The following SDK1 variants were observed in gnomAD, a reference collection of about 807,000 sequenced individuals.
The protein encoded by SDK1 is sidekick cell adhesion molecule 1.
A neutral mutation model predicts 245.5 loss-of-function variants in SDK1; 157 were observed. The observed-to-expected ratio is 0.64, with a 90% CI of 0.56 to 0.73. The LOEUF (loss-of-function observed/expected upper bound fraction) is 0.73. SDK1 is among the 30% of genes least tolerant of loss of function. The pLI, the probability that SDK1 is intolerant of heterozygous loss-of-function variation, is 0.00. For missense variants in SDK1, 3,583 were observed against 3,002.3 expected (o/e 1.19, Z -4.52); for synonymous variants, 1,647 against 1,278.5 (o/e 1.29, Z -6.15).
At position 3,773,004 on chromosome 7, in the gene SDK1, A is replaced by G. The variant is rs988708538; in HGVS notation, c.714-48446A>G. 2.6e-5 allele frequency among the ~76,000 whole-genome samples: 4 copies of G among 152,306 alleles called. 1 individual carries two copies. Among genetic ancestry groups the G allele is most frequent in the South Asian group, 4.1e-4 (2 of 4,826 alleles). On this transcript the variant is annotated intron_variant, in intron 4 of 44. Coordinates refer to ENST00000404826, the MANE Select transcript of SDK1 (RefSeq NM_152744.4). ...TTTGGCTGTGGGAAGTTTAATTACA[A>G]CGTGTCTCAATGTGGATATCTTAAA...
In SDK1 at chr7:3,974,416, C is replaced by G; in HGVS notation, c.1865C>G (p.Ser622Cys). 6.2e-7 allele frequency: 1 copy of G among 1,614,106 alleles called. No individual in the cohort carries two copies. Among genetic ancestry groups the G allele is most frequent in the Non-Finnish European group, 8.5e-7 (1 of 1,180,020 alleles). Reference protein sequence around the residue: ...DNVALTPSSTSRIVVEKDGSL... With the variant: ...DNVALTPSSTCRIVVEKDGSL... ...GTGGCCCTGACTCCATCGAGCACGT[C>G]TAGGATCGTGGTGGAGAAGGACGGG... is the stretch of plus-strand genomic sequence containing the variant. The change falls in exon 13 of 45, where the codon TCT becomes TGT. Residue 622 changes from serine to cysteine, a missense_variant. Ser to Cys is a moderately radical substitution (Grantham distance 112). Coordinates refer to ENST00000404826, the MANE Select transcript of SDK1 (RefSeq NM_152744.4).
chr7:3,771,025 G>T (rs1389485267), intron 4 of SDK1, among the ~76,000 whole-genome samples: 2 of 152,064 alleles, frequency 1.3e-5, no homozygotes, highest in African/African-American at 4.8e-5. Flanking sequence ...TTCTGGTCTT[G>T]GCTTTGTTTG....
intron 1 of SDK1, among the ~76,000 whole-genome samples, chr7:3,599,864 AG>A (rs1781198638): frequency 6.6e-6 from 1 of 152,230 alleles, no homozygotes; most frequent in Non-Finnish European, 1.5e-5. Context: ...CTTTGAAATC[AG>A]GAAGAGTGAT....
At chr7:3,642,174 T>C (rs1782672567) in intron 4 of SDK1, 69 bp downstream of exon 4, 2 of 1,439,008 alleles carry the variant, frequency 1.4e-6, no homozygotes, top group Non-Finnish European at 1.9e-6. Flanking sequence ...ATCTACACAG[T>C]AAGTGTACCA....
intron 25 of SDK1, among the ~76,000 whole-genome samples, chr7:4,126,676 C>T (rs1784407517): frequency 6.6e-6 from 1 of 152,212 alleles, no homozygotes; most frequent in Non-Finnish European, 1.5e-5. Flanking sequence ...GCCAAGATCG[C>T]ACCACTGCTC....
intron 1 of SDK1, among the ~76,000 whole-genome samples, chr7:3,457,365 T>C (rs1562497736): frequency 6.6e-6 from 1 of 152,044 alleles, no homozygotes; most frequent in Non-Finnish European, 1.5e-5. Context: ...AAAATTTAAC[T>C]TTTTTTTCTG....
At chr7:3,951,961 A>G in intron 7 of SDK1, 41 bp downstream of exon 7, 1 of 1,554,690 alleles carries the variant, frequency 6.4e-7, no homozygotes, top group African/African-American at 1.4e-5. Context: ...AGCATCTCAG[A>G]TAGCATCCGA....
chr7:3,464,369 A>G (rs760707839), intron 1 of SDK1, among the ~76,000 whole-genome samples: 1 of 152,118 alleles, frequency 6.6e-6, no homozygotes, highest in Non-Finnish European at 1.5e-5. Flanking sequence ...ACAAAAATTT[A>G]AAAATTGGCC....
chr7:4,050,651 T>C (rs10485860), intron 18 of SDK1, among the ~76,000 whole-genome samples: 36,319 of 152,002 alleles, frequency 0.24, 6,091 homozygotes, highest in African/African-American at 0.49. Flanking sequence ...TTCTTTAAAA[T>C]TGTAAGCAGT....
At chr7:3,602,503 G>T (rs532535652) in intron 1 of SDK1, among the ~76,000 whole-genome samples, 4 of 152,048 alleles carry the variant, frequency 2.6e-5, no homozygotes, top group Non-Finnish European at 4.4e-5. Flanking sequence ...CATATGCTTC[G>T]CCCACTTTTT....
At chr7:3,353,252 G>A (rs1438308334) in intron 1 of SDK1, among the ~76,000 whole-genome samples, 1 of 152,082 alleles carries the variant, frequency 6.6e-6, no homozygotes, top group Non-Finnish European at 1.5e-5. Flanking sequence ...TTCTTAAAGT[G>A]CTTGACTTAA....
chr7:4,202,238 C>T (rs1783930697), intron 35 of SDK1, among the ~76,000 whole-genome samples: 1 of 152,174 alleles, frequency 6.6e-6, no homozygotes, highest in Admixed American at 6.5e-5. Context: ...GTCCCTCAGC[C>T]CAAGGCCTAG....
intron 5 of SDK1, among the ~76,000 whole-genome samples, chr7:3,846,391 G>C (rs78142385): frequency 6.6e-6 from 1 of 152,164 alleles, no homozygotes; most frequent in Non-Finnish European, 1.5e-5. Flanking sequence ...AAAAGGAGAA[G>C]GACATTTGTT....
intron 5 of SDK1, among the ~76,000 whole-genome samples, chr7:3,871,281 G>A (rs1351465103): frequency 6.6e-6 from 1 of 151,734 alleles, no homozygotes; most frequent in East Asian, 1.9e-4. Flanking sequence ...TCGCCATCTT[G>A]CTAAACTCAT....
intron 1 of SDK1, among the ~76,000 whole-genome samples, chr7:3,333,426 T>C (rs914496607): frequency 6.6e-6 from 1 of 152,194 alleles, no homozygotes; most frequent in Non-Finnish European, 1.5e-5. Flanking sequence ...AGAGGTTTCT[T>C]GACTGTGACT....
chr7:3,620,284 T>A (rs752880831), intron 2 of SDK1, among the ~76,000 whole-genome samples: 1 of 145,740 alleles, frequency 6.9e-6, no homozygotes, highest in African/African-American at 2.6e-5. Flanking sequence ...AAAAAAAATA[T>A]GAGAATGCTT....
intron 1 of SDK1, among the ~76,000 whole-genome samples, chr7:3,514,112 G>A (rs1782660985): frequency 5.3e-5 from 8 of 152,158 alleles, no homozygotes; most frequent in Admixed American, 5.2e-4. Context: ...GGAAAGAAGA[G>A]AGGGACGACA....
At chr7:3,319,576 T>C (rs1779743098) in intron 1 of SDK1, among the ~76,000 whole-genome samples, 1 of 152,168 alleles carries the variant, frequency 6.6e-6, no homozygotes, top group African/African-American at 2.4e-5. Context: ...TACATATATG[T>C]ACTCTTTGAT....
rs1562882678 is a variant in SDK1 at position 4,145,935 on chromosome 7, CG to C, written c.4423+24del. The C allele has an allele frequency of 2.5e-6, 4 of 1,579,650 alleles. No homozygotes were observed. Among genetic ancestry groups the C allele is most frequent in the South Asian group, 1.2e-5 (1 of 86,464 alleles). ...AAGAGAGGTAAGACCTTGGGGGACC[CG>C]GGGGTACTGCAGATGTTGTGGGCAC... On this transcript the variant is annotated intron_variant, in intron 29 of 44. Coordinates refer to ENST00000404826, the MANE Select transcript of SDK1 (RefSeq NM_152744.4).
Sources: allele counts gnomAD v4.1 joint callset (sites outside exome capture counted in the v4.1 genomes callset), GRCh38; gene constraint gnomAD v4.1.1; transcripts MANE v1.5; gene names NCBI Gene and HGNC (gene_info 2026-07-23, HGNC 2026-07-21).